The following ZNF318 variants were observed in gnomAD, a reference collection of about 807,000 sequenced individuals.
ZNF318 encodes the protein zinc finger protein 318.
ZNF318 carries 51 observed loss-of-function variants against 124.2 expected under a neutral mutation model. The observed-to-expected ratio is 0.41, with a 90% CI of 0.33 to 0.52. ZNF318 has a LOEUF of 0.52. ZNF318 is among the 20% of genes least tolerant of loss of function. The pLI is 0.23. For synonymous variants in ZNF318, 1,090 were observed against 1,040.7 expected (o/e 1.05, Z -0.91); for missense variants, 2,815 against 2,811.2 (o/e 1.00, Z -0.03).
intron 4 of ZNF318, among the ~76,000 whole-genome samples, chr6:43,352,912 A>G (rs1239129283): frequency 6.6e-6 from 1 of 152,236 alleles, no homozygotes; most frequent in African/African-American, 2.4e-5. Flanking sequence ...ACTATTTTAT[A>G]GTCAGAAAAC....
chr6:43,360,665 C>T (rs1779668434), intron 2 of ZNF318, among the ~76,000 whole-genome samples: 1 of 151,798 alleles, frequency 6.6e-6, no homozygotes, highest in South Asian at 2.1e-4. Flanking sequence ...ATCATAATTG[C>T]CAAAAAGTGA....
intron 2 of ZNF318, among the ~76,000 whole-genome samples, chr6:43,363,038 A>C (rs1387593879): frequency 6.6e-6 from 1 of 152,224 alleles, no homozygotes; most frequent in Non-Finnish European, 1.5e-5. Flanking sequence ...CTTTCTCTAA[A>C]GTAGACCTGT....
chr6:43,342,325 A>AC (rs1255028566), intron 7 of ZNF318, 114 bp from the exon 8 acceptor site: 16 of 587,726 alleles, frequency 2.7e-5, no homozygotes, highest in Non-Finnish European at 3.7e-5. Flanking sequence ...CCAGCTACCC[A>AC]CCCCCACCCC....
rs764145604 is a variant in ZNF318 at position 43,338,774 on chromosome 6, C to G, written c.5224G>C (p.Glu1742Gln). The G allele has an allele frequency of 6.2e-7, 1 of 1,614,154 alleles. No homozygotes were observed. The change falls in exon 10 of 10, where the codon GAA becomes CAA. Residue 1742 changes from glutamate to glutamine, a missense_variant. Coordinates refer to ENST00000361428, the MANE Select transcript of ZNF318 (RefSeq NM_014345.3). ...TGGATTTCTACCAACTTCTGAGATT[C>G]TTTGCACTGTATATCTAACAGTTGA... ...PPQLLDIQCK[E>Q]SQKLVEIHLR... is the part of the protein sequence containing the mutation.
chr6:43,354,531 GGAT>G (rs1181119500), intron 4 of ZNF318, 130 bp downstream of exon 4: 6 of 767,806 alleles, frequency 7.8e-6, no homozygotes, highest in South Asian at 1.8e-5. Context: ...ACACTTCTTA[GGAT>G]GATGACAGCA....
In ZNF318 at chr6:43,337,029, T is replaced by G; in HGVS notation, c.*129A>C. The G allele has an allele frequency of 1.2e-6, 1 of 864,592 alleles. No homozygotes were observed. Among genetic ancestry groups the G allele is most frequent in the East Asian group, 2.9e-5 (1 of 34,348 alleles). 53.6% of individuals were successfully genotyped at this position (864,592 alleles called of 1,614,324 possible). A position where few individuals can be genotyped will look rare whatever the true frequency, so the allele number is the denominator to read the frequency against. ...AAATTTTTTAGCTTCCATGAACATTTACTTTAAGATGCTGACTGCATCTCT... is the reference window on the plus strand; with the variant it reads ...AAATTTTTTAGCTTCCATGAACATTGACTTTAAGATGCTGACTGCATCTCT... On this transcript the variant is annotated 3_prime_UTR_variant, in exon 10 of 10. Transcript: ENST00000361428.
chr6:43,337,309 C>T lies in ZNF318; in HGVS notation c.6689G>A (p.Gly2230Asp). 6.2e-7 allele frequency: 1 copy of T among 1,614,110 alleles called. No individual in the cohort carries two copies. The highest frequency in any genetic ancestry group is 8.5e-7 in the Non-Finnish European group (1 of 1,180,026). Reference protein sequence around the residue: ...VAILQVDDDSGDPLNLVKAPV... With the variant: ...VAILQVDDDSDDPLNLVKAPV... Reference sequence around the variant, plus strand: ...AGCTTTAACCAAATTCAGAGGGTCGCCACTGTCATCATCTACTTGCAGAAT... The same window carrying T: ...AGCTTTAACCAAATTCAGAGGGTCGTCACTGTCATCATCTACTTGCAGAAT... The change falls in exon 10 of 10, where the codon GGC becomes GAC. Residue 2230 changes from glycine (G) to aspartate (D), a missense_variant. Around this residue, in one of 4 missense-constraint regions of ZNF318, gnomAD observed 927 missense variants for 820.6 expected, o/e 1.13. Coordinates refer to ENST00000361428, the MANE Select transcript of ZNF318 (RefSeq NM_014345.3).
Position 43,337,160 on chromosome 6 carries a change from A to G in ZNF318, c.6838T>C (p.Ter2280GlnextTer2), listed in dbSNP as rs146317753. 1 of 1,570,128 alleles carries G rather than the reference A, an allele frequency of 6.4e-7. No homozygotes were observed. The highest frequency in any genetic ancestry group is 8.6e-7 in the Non-Finnish European group (1 of 1,159,068). ...CAAGTAGCTCTAGGTATTTATTCTT[A>G]GTTGTGAACACTGGATTCTGTGTGG... ...QDHTESSVHN[*>Q] The change falls in exon 10 of 10, where the codon TAA (stop) becomes CAA (glutamine). Residue 2280 changes from the stop codon to glutamine (Q), a stop_lost. Coordinates refer to ENST00000361428, the MANE Select transcript of ZNF318 (RefSeq NM_014345.3).
Position 43,339,910 on chromosome 6 carries a change from C to T in ZNF318, c.4088G>A (p.Cys1363Tyr), listed in dbSNP as rs201141809. ...AGCTGGCTTGCTCATTGTGGCTGAACATGACTTGCGGAGTACTGTGGATGG... is the reference window on the plus strand; with the variant it reads ...AGCTGGCTTGCTCATTGTGGCTGAATATGACTTGCGGAGTACTGTGGATGG... ...PIPSTVLRKS[C>Y]SATMSKPAPL... is the part of the protein sequence containing the mutation. Residue 1363 changes from cysteine to tyrosine, a missense_variant, in exon 10 of 10, where the codon TGT (cysteine) becomes TAT (tyrosine). Cys to Tyr is a radical substitution (Grantham distance 194). Around this residue, in one of 4 missense-constraint regions of ZNF318, gnomAD observed 500 missense variants for 605.2 expected, o/e 0.83. Transcript: ENST00000361428. The surrounding 1 kb of genome is among the most constrained non-coding windows in gnomAD (Gnocchi z 4.2). The T allele has an allele frequency of 1.9e-6, 3 of 1,614,130 alleles. No homozygotes were observed. The highest frequency in any genetic ancestry group is 4.5e-5 in the East Asian group (2 of 44,882).
intron 9 of ZNF318, 125 bp from the exon 10 acceptor site, chr6:43,340,627 G>C (rs1055492218): frequency 6.7e-7 from 1 of 1,502,268 alleles, no homozygotes; most frequent in Non-Finnish European, 8.9e-7. Context: ...AGGACATACG[G>C]GATGCTATCT....
Position 43,355,541 on chromosome 6 carries a change from G to C in ZNF318, c.1793C>G (p.Thr598Arg). Residue 598 changes from threonine to arginine, a missense_variant, in exon 4 of 10, where the codon ACA (threonine) becomes AGA (arginine). By Grantham distance (71) the Thr-to-Arg change is moderately conservative. Transcript: ENST00000361428. ...TGCTACTCCAATATCCAGCCCTATTGTCTTGAGCAAGTCATGGATCTTCGC... is the reference window on the plus strand; with the variant it reads ...TGCTACTCCAATATCCAGCCCTATTCTCTTGAGCAAGTCATGGATCTTCGC... The part of the protein sequence containing the change: ...EYAKIHDLLK[T>R]IGLDIGVAEI... The C allele has an allele frequency of 6.2e-7, 1 of 1,614,204 alleles. No homozygotes were observed.
Position 43,338,034 on chromosome 6 carries a change from C to A in ZNF318, c.5964G>T (p.Glu1988Asp), listed in dbSNP as rs1779313184. The A allele has an allele frequency of 3.1e-6, 5 of 1,614,200 alleles. No individual in the cohort carries two copies. Among genetic ancestry groups the A allele is most frequent in the Non-Finnish European group, 4.2e-6 (5 of 1,180,028 alleles). ...EALELQDVHP[E>D]LTVTIESKAL... ...CCTTGCTTTCTATTGTCACTGTTAA[C>A]TCTGGATGGACATCTTGTAGCTCCA... The change falls in exon 10 of 10, where the codon GAG becomes GAT. Residue 1988 changes from glutamate to aspartate, a missense_variant. Physicochemically the swap from Glu to Asp is conservative, Grantham distance 45. Coordinates refer to ENST00000361428, the MANE Select transcript of ZNF318 (RefSeq NM_014345.3).
rs772558865 is a variant in ZNF318, at chr6:43,339,617, G to A, written c.4381C>T (p.Pro1461Ser). 1 of 1,381,590 alleles carries A rather than the reference G, an allele frequency of 7.2e-7. No homozygotes were observed. Among genetic ancestry groups the A allele is most frequent in the South Asian group, 1.1e-5 (1 of 87,920 alleles). 85.6% of individuals were successfully genotyped at this position (1,381,590 alleles called of 1,614,324 possible). ...PPPPPPVIPHPAAPSAAQANA... is the reference protein window; with the variant it reads ...PPPPPPVIPHSAAPSAAQANA... Reference sequence around the variant, plus strand: ...GCTTGAGCAGCAGACGGGGCAGCTGGATGAGGTATAACGGGGGGTGGTGGA... The same window carrying A: ...GCTTGAGCAGCAGACGGGGCAGCTGAATGAGGTATAACGGGGGGTGGTGGA... The change falls in exon 10 of 10, where the codon CCA (proline) becomes TCA (serine). Residue 1461 changes from proline to serine, a missense_variant. Transcript: ENST00000361428. This position sits in a 1 kb window ranked among gnomAD's most constrained non-coding sequence, Gnocchi z 4.2.
intron 8 of ZNF318, among the ~76,000 whole-genome samples, chr6:43,341,631 C>G (rs1198130308): frequency 7.9e-6 from 1 of 126,114 alleles, no homozygotes; most frequent in African/African-American, 3.1e-5. Flanking sequence ...GCCTGGGCAA[C>G]AGAGAGAGAC....
chr6:43,342,225 G>A lies in ZNF318; in HGVS notation c.3277-14C>T. 1 of 1,593,016 alleles carries A rather than the reference G, an allele frequency of 6.3e-7. No individual in the cohort carries two copies. The highest frequency in any genetic ancestry group is 2.2e-5 in the East Asian group (1 of 44,592). ...GGGATCCAGTGTCTATTTGTAAGAG[G>A]CAGAGGTGCTCACACAACAGCACTA... On this transcript the variant is annotated splice_polypyrimidine_tract_variant and intron_variant, in intron 7 of 9. Transcript: ENST00000361428.
Position 43,356,035 on chromosome 6 carries a change from T to C in ZNF318, c.1299A>G (p.Glu433=). 1 of 1,614,200 alleles carries C rather than the reference T, an allele frequency of 6.2e-7. No individual in the cohort carries two copies. The highest frequency in any genetic ancestry group is 8.5e-7 in the Non-Finnish European group (1 of 1,180,024). ...CAGTCTCTACCATAGTCCCCTTGTT[T>C]TCAATCTCTGAGGCAAAAGCAGCAA... ...GAIAAFASEI[E]NKGTMVETAL... Residue 433 remains glutamate, a synonymous_variant, in exon 4 of 10, where the codon GAA becomes GAG. Coordinates refer to ENST00000361428, the MANE Select transcript of ZNF318 (RefSeq NM_014345.3).
intron 1 of ZNF318, among the ~76,000 whole-genome samples, chr6:43,367,368 T>C (rs1480074539): frequency 6.6e-6 from 1 of 152,160 alleles, no homozygotes; most frequent in Non-Finnish European, 1.5e-5. Context: ...ATGTATAAAA[T>C]GAGGGCTTAA....
chr6:43,367,959 A>T (rs113768568), intron 1 of ZNF318, among the ~76,000 whole-genome samples: 1 of 152,274 alleles, frequency 6.6e-6, no homozygotes, highest in South Asian at 2.1e-4. Flanking sequence ...CCGGAGGCGG[A>T]GGTTACAGTG....
At position 43,337,004 on chromosome 6, in the gene ZNF318, A is replaced by G; in HGVS notation, c.*154T>C. On this transcript the variant is annotated 3_prime_UTR_variant, in exon 10 of 10. Transcript: ENST00000361428. ...GGGGAAAGGGAAAAGGAAAGGAGGT[A>G]AATTTTTTAGCTTCCATGAACATTT... 1.7e-6 allele frequency: 1 copy of G among 589,466 alleles called. No homozygotes were observed. Among genetic ancestry groups the G allele is most frequent in the Non-Finnish European group, 2.6e-6 (1 of 380,218 alleles). The allele number at this position is 589,466 out of a possible 1,614,324, so 36.5% of individuals were successfully genotyped here.
Sources: allele counts gnomAD v4.1 joint callset (sites outside exome capture counted in the v4.1 genomes callset), GRCh38; gene constraint gnomAD v4.1.1; regional missense constraint gnomAD v4.1.1; non-coding constraint Gnocchi (gnomAD v3.1); transcripts MANE v1.5; gene names NCBI Gene and HGNC (gene_info 2026-07-23, HGNC 2026-07-21).